MAPK14: variants seen among roughly 807,000 people sequenced by gnomAD.
MAPK14 encodes mitogen-activated protein kinase 14, also known as CSAID-binding protein.
In MAPK14, 16 loss-of-function variants were observed where a neutral mutation model predicts 49.6. The ratio of observed to expected loss-of-function variants is 0.32; its 90% CI spans 0.22 to 0.49. The LOEUF (loss-of-function observed/expected upper bound fraction) is 0.49. Among genes scored for constraint, MAPK14 ranks in the 20% least tolerant of loss-of-function variants. MAPK14 has a pLI of 0.99. For synonymous variants in MAPK14, 142 were observed against 158.0 expected, an observed-to-expected ratio of 0.90 and a Z score of 0.76; for missense variants, 200 against 441.2, an observed-to-expected ratio of 0.45 and a Z score of 4.90.
At chr6:36,058,868 G>A (rs1294609113) in intron 2 of MAPK14, among the ~76,000 whole-genome samples, 1 of 146,244 alleles carries the variant, frequency 6.8e-6, no homozygotes, top group Non-Finnish European at 1.5e-5. Flanking sequence ...TGTGTCAAGA[G>A]TGAGATCCTG....
At chr6:36,082,944 A>G (rs943415170) in intron 8 of MAPK14, among the ~76,000 whole-genome samples, 3 of 152,074 alleles carry the variant, frequency 2.0e-5, no homozygotes, top group South Asian at 2.1e-4. Flanking sequence ...TTCCTGTTCT[A>G]CCTTTTTCTT....
At chr6:36,036,255 C>CAAAAAA (rs35795294) in intron 1 of MAPK14, among the ~76,000 whole-genome samples, 2 of 104,816 alleles carry the variant, frequency 1.9e-5, no homozygotes, top group Non-Finnish European at 1.8e-5. Flanking sequence ...GAGTACATCT[C>CAAAAAA]AAAAAAAAAA....
intron 1 of MAPK14, among the ~76,000 whole-genome samples, chr6:36,049,019 A>C (rs908166278): frequency 6.6e-6 from 1 of 152,220 alleles, no homozygotes; most frequent in African/African-American, 2.4e-5. Context: ...TGGAGCTGCC[A>C]GAGGGGTCAT....
the MAPK14 span, among the ~76,000 whole-genome samples, chr6:36,116,999 G>T: frequency 3.9e-5 from 6 of 152,022 alleles, no homozygotes; most frequent in African/African-American, 7.3e-5. Flanking sequence ...TCCTCTTTTG[G>T]TTTTTTTAAA....
In MAPK14 at chr6:36,107,329, G is replaced by C. The variant is rs978356094; in HGVS notation, c.842-126G>C. 1.0e-5 allele frequency: 6 copies of C among 573,126 alleles called. No individual in the cohort carries two copies. Among genetic ancestry groups the C allele is most frequent in the African/African-American group, 9.3e-5 (5 of 53,838 alleles). 35.5% of individuals were successfully genotyped at this position (573,126 alleles called of 1,614,324 possible). On this transcript the variant is annotated intron_variant, in intron 10 of 11. Transcript: ENST00000229794. The surrounding 1 kb of genome is among the most constrained non-coding windows in gnomAD (Gnocchi z 4.3). Reference sequence around the variant, plus strand: ...AGGAGAAGAGGGCTAATATATCCTAGAGTAGGTATTTTGGAGGAGAGTTCT... The same window carrying C: ...AGGAGAAGAGGGCTAATATATCCTACAGTAGGTATTTTGGAGGAGAGTTCT...
downstream of MAPK14, among the ~76,000 whole-genome samples, chr6:36,112,692 C>T (rs773168022): frequency 6.6e-6 from 1 of 151,992 alleles, no homozygotes; most frequent in Admixed American, 6.5e-5. Context: ...ACCTCCTCAA[C>T]TTTCCTTTTA....
At chr6:36,087,230 C>T (rs750295416) in intron 8 of MAPK14, among the ~76,000 whole-genome samples, 3 of 151,428 alleles carry the variant, frequency 2.0e-5, no homozygotes, top group Non-Finnish European at 2.9e-5. Flanking sequence ...AAAACTGGCA[C>T]AAGGATGCCC....
At chr6:36,063,186 A>G (rs763189145) in intron 3 of MAPK14, among the ~76,000 whole-genome samples, 1 of 152,200 alleles carries the variant, frequency 6.6e-6, no homozygotes, top group African/African-American at 2.4e-5. Flanking sequence ...CTCCCATACT[A>G]CAAACCTGCA....
In MAPK14 at chr6:36,036,255, CAAA is replaced by C. The variant is rs35795294; in HGVS notation, c.116+7998_116+8000del. 1.8e-3 allele frequency among the ~76,000 whole-genome samples: 185 copies of C among 104,796 alleles called. 1 individual carries two copies. The highest frequency in any genetic ancestry group is 6.8e-3 in the African/African-American group (177 of 25,946). The allele number at this position is 104,796 out of a possible 152,430, so 68.8% of individuals were successfully genotyped here. ...TGGGCGATAGAGCAAGAGTACATCT[CAAA>C]AAAAAAAAAAAAAAATCAATAGATG... is the stretch of plus-strand genomic sequence containing the variant. On this transcript the variant is annotated intron_variant, in intron 1 of 11. Coordinates refer to ENST00000229794, the MANE Select transcript of MAPK14 (RefSeq NM_139012.3).
At chr6:36,052,562 A>T in intron 1 of MAPK14, 137 bp from the exon 2 acceptor site, 1 of 665,838 alleles carries the variant, frequency 1.5e-6, no homozygotes, top group Non-Finnish European at 2.3e-6. Context: ...ATAATAGGTC[A>T]TTTTGCTTTT....
chr6:36,100,709 A>G (rs568285965), intron 9 of MAPK14, among the ~76,000 whole-genome samples: 72 of 152,358 alleles, frequency 4.7e-4, no homozygotes, highest in Non-Finnish European at 9.6e-4. Context: ...ACTATATTTA[A>G]AAGAAAATAC....
chr6:36,077,663 A>G (rs56987715), intron 8 of MAPK14, among the ~76,000 whole-genome samples: 2 of 152,182 alleles, frequency 1.3e-5, no homozygotes, highest in African/African-American at 4.8e-5. Context: ...AAAAACCTCT[A>G]TTTCTCAGGT....
At chr6:36,092,237 T>C in intron 8 of MAPK14, 1 of 563,880 alleles carries the variant, frequency 1.8e-6, no homozygotes, top group Non-Finnish European at 3.5e-6. Flanking sequence ...GTGGTACAGT[T>C]TGACAAACCT....
intron 1 of MAPK14, among the ~76,000 whole-genome samples, chr6:36,051,455 T>C (rs555144774): frequency 6.6e-6 from 1 of 152,304 alleles, no homozygotes; most frequent in South Asian, 2.1e-4. Flanking sequence ...TTGCTATAGA[T>C]GTCCTCCATG....
At chr6:36,048,377 A>G (rs1211821741) in intron 1 of MAPK14, among the ~76,000 whole-genome samples, 2 of 152,098 alleles carry the variant, frequency 1.3e-5, no homozygotes, top group African/African-American at 2.4e-5. Flanking sequence ...GGGTCTTGCT[A>G]TGTTGCTCAG....
intron 2 of MAPK14, among the ~76,000 whole-genome samples, chr6:36,058,645 T>C (rs1006870306): frequency 6.6e-6 from 1 of 152,166 alleles, no homozygotes. Context: ...ACTGCTGTAA[T>C]GCCAGCACTT....
intron 3 of MAPK14, among the ~76,000 whole-genome samples, chr6:36,070,472 A>G (rs1764226257): frequency 6.6e-6 from 1 of 152,212 alleles, no homozygotes; most frequent in Non-Finnish European, 1.5e-5. Context: ...TAATGAGTAC[A>G]TGGACATAAT....
At chr6:36,065,122 C>A (rs1448868816) in intron 3 of MAPK14, among the ~76,000 whole-genome samples, 2 of 152,242 alleles carry the variant, frequency 1.3e-5, no homozygotes, top group African/African-American at 4.8e-5. Context: ...TGTTACCATT[C>A]TAACTGAAAT....
chr6:36,051,862 G>A (rs1159415253), intron 1 of MAPK14, among the ~76,000 whole-genome samples: 1 of 152,026 alleles, frequency 6.6e-6, no homozygotes, highest in Non-Finnish European at 1.5e-5. Context: ...GTATGTGTGG[G>A]TAAAGACTCT....
Sources: allele counts gnomAD v4.1 joint callset (sites outside exome capture counted in the v4.1 genomes callset), GRCh38; gene constraint gnomAD v4.1.1; non-coding constraint Gnocchi (gnomAD v3.1); transcripts MANE v1.5; gene names NCBI Gene and HGNC (gene_info 2026-07-23, HGNC 2026-07-21).